The following MN1 variants were observed in gnomAD, a reference collection of about 807,000 sequenced individuals.
MN1 encodes the protein transcriptional activator MN1.
Under a neutral mutation model 86.9 loss-of-function variants are expected in MN1, and 19 were observed. The ratio of observed to expected loss-of-function variants is 0.22; its 90% CI spans 0.15 to 0.32. The LOEUF (loss-of-function observed/expected upper bound fraction) is 0.32, where lower values mean the gene tolerates loss of function less well. Among genes scored for constraint, MN1 ranks in the 10% least tolerant of loss-of-function variants. MN1 has a pLI of 1.00. For missense variants in MN1, 1,841 were observed against 1,862.0 expected (o/e 0.99, Z 0.21); for synonymous variants, 928 against 849.6 (o/e 1.09, Z -1.60).
chr22:27,799,258 A>C lies in MN1; in HGVS notation c.1286T>G (p.Met429Arg). The change falls in exon 1 of 2, where the codon ATG becomes AGG. Residue 429 changes from methionine (M) to arginine (R), a missense_variant. Transcript: ENST00000302326. ...CGCCTGCTGCGGAGGAGGATGCTGC[A>C]TGCTGAAAACAGGCTCGGAATAAGG... ...MHPYSEPVFS[M>R]QHPPPQQAPN... 6.3e-7 allele frequency: 1 copy of C among 1,583,718 alleles called. No individual in the cohort carries two copies. The highest frequency in any genetic ancestry group is 8.6e-7 in the Non-Finnish European group (1 of 1,163,174).
In MN1 at chr22:27,774,221, G is replaced by A. The variant is rs928331679; in HGVS notation, c.3781+22542C>T. On this transcript the variant is annotated intron_variant, in intron 1 of 1. Coordinates refer to ENST00000302326, the MANE Select transcript of MN1 (RefSeq NM_002430.3). ...CAGATCGCTTCCTCTATACTTCACCGTCGTGAACGGGGATATTCCAGACAG... is the reference window on the plus strand; with the variant it reads ...CAGATCGCTTCCTCTATACTTCACCATCGTGAACGGGGATATTCCAGACAG... 3.9e-5 allele frequency among the ~76,000 whole-genome samples: 6 copies of A among 152,164 alleles called. No individual in the cohort carries two copies. The South Asian group carries it at 6.2e-4, about 16-fold the overall frequency.
rs370371622 is a variant in MN1 at position 27,799,800 on chromosome 22, C to G, written c.744G>C (p.Ser248=). The stretch of plus-strand genomic sequence containing the variant: ...GCAGCTGCCCTTCGGAGTCAGAGGG[C>G]GAAAACATGTCAAAATGTCCCGAGG... ...EAPSGHFDMF[S]PSDSEGQLPH... is the part of the protein sequence containing the mutation. Residue 248 remains serine (S), a synonymous_variant, in exon 1 of 2, where the codon TCG becomes TCC. Coordinates refer to ENST00000302326, the MANE Select transcript of MN1 (RefSeq NM_002430.3). 3.1e-6 allele frequency: 5 copies of G among 1,595,932 alleles called. No individual in the cohort carries two copies. Among genetic ancestry groups the G allele is most frequent in the African/African-American group, 1.3e-5 (1 of 74,618 alleles).
At chr22:27,762,828 G>A (rs1932843477) in intron 1 of MN1, among the ~76,000 whole-genome samples, 1 of 152,140 alleles carries the variant, frequency 6.6e-6, no homozygotes, top group Non-Finnish European at 1.5e-5. Context: ...GCCGAGTGCG[G>A]TGGCTCATGA....
chr22:27,768,332 C>T (rs1932886180), intron 1 of MN1, among the ~76,000 whole-genome samples: 1 of 152,128 alleles, frequency 6.6e-6, no homozygotes, highest in African/African-American at 2.4e-5. Flanking sequence ...CCCTGGAGAA[C>T]CAGGCCCCCA....
Position 27,795,981 on chromosome 22 carries a change from G to A in MN1, c.3781+782C>T, listed in dbSNP as rs45594634. Among the ~76,000 whole-genome samples, 418 of 152,132 alleles carry A rather than the reference G, an allele frequency of 2.7e-3. 1 individual carries two copies. The highest frequency in any genetic ancestry group is 9.7e-3 in the African/African-American group (404 of 41,492). ...AGCCAAGCGAGATATTGACAAACAC[G>A]GATCCTTTGTGTCTTAAGAGTATAT... On this transcript the variant is annotated intron_variant, in intron 1 of 1. Transcript: ENST00000302326.
intron 1 of MN1, among the ~76,000 whole-genome samples, chr22:27,755,960 G>A (rs1199276256): frequency 6.6e-6 from 1 of 152,252 alleles, no homozygotes; most frequent in Non-Finnish European, 1.5e-5. Context: ...CTAGGAAATG[G>A]GGGAAATAAT....
intron 1 of MN1, among the ~76,000 whole-genome samples, chr22:27,758,684 T>C (rs1360441768): frequency 6.6e-6 from 1 of 152,176 alleles, no homozygotes; most frequent in Non-Finnish European, 1.5e-5. Context: ...GCCTCACCTT[T>C]CTTCTCTGTG....
intron 1 of MN1, among the ~76,000 whole-genome samples, chr22:27,794,010 G>T (rs1216237211): frequency 1.3e-5 from 2 of 152,100 alleles, no homozygotes; most frequent in Non-Finnish European, 2.9e-5. Flanking sequence ...AAAATGCTGG[G>T]GCTGGTACCT....
rs962572354 is a variant in MN1, at chr22:27,750,296, C to T, written c.*619G>A. ...CAAAACAAAATCCCAGGCGGAATAC[C>T]TAAGAGGGGCATTCATTGTTTGGCT... On this transcript the variant is annotated 3_prime_UTR_variant, in exon 2 of 2. Coordinates refer to ENST00000302326, the MANE Select transcript of MN1 (RefSeq NM_002430.3). The T allele has an allele frequency of 2.6e-5, 6 of 230,992 alleles. No homozygotes were observed. Among genetic ancestry groups the T allele is most frequent in the African/African-American group, 1.3e-4 (6 of 45,200 alleles). 14.3% of individuals were successfully genotyped at this position (230,992 alleles called of 1,614,324 possible). A position where few individuals can be genotyped will look rare whatever the true frequency, so the allele number is the denominator to read the frequency against.
intron 1 of MN1, among the ~76,000 whole-genome samples, chr22:27,793,759 A>G (rs1364536035): frequency 1.3e-5 from 2 of 152,244 alleles, no homozygotes; most frequent in Non-Finnish European, 2.9e-5. Context: ...TCTCAAGCCC[A>G]TAAGACAATC....
rs1159987506 is a variant in MN1, at chr22:27,797,329, G to T, written c.3215C>A (p.Ala1072Glu). The change falls in exon 1 of 2, where the codon GCG (alanine) becomes GAG (glutamate). Residue 1072 changes from alanine (A) to glutamate (E), a missense_variant. Coordinates refer to ENST00000302326, the MANE Select transcript of MN1 (RefSeq NM_002430.3). ...SSDNPQALVK[A>E]SRSPLVTGSP... ...GCCGGTCACCAGGGGACTCCTGCTC[G>T]CTTTAACTAGTGCCTGGGGGTTGTC... is the stretch of plus-strand genomic sequence containing the variant. 2 of 1,604,802 alleles carry T rather than the reference G, an allele frequency of 1.2e-6. No individual in the cohort carries two copies. The highest frequency in any genetic ancestry group is 1.1e-5 in the South Asian group (1 of 91,044).
intron 1 of MN1, among the ~76,000 whole-genome samples, chr22:27,776,634 G>C (rs1306199711): frequency 1.3e-5 from 2 of 151,680 alleles, no homozygotes; most frequent in Admixed American, 1.3e-4. Flanking sequence ...AAATTCAGTG[G>C]TTCTGGCCTC....
At chr22:27,776,345 A>T (rs923629671) in intron 1 of MN1, among the ~76,000 whole-genome samples, 1 of 152,204 alleles carries the variant, frequency 6.6e-6, no homozygotes, top group Non-Finnish European at 1.5e-5. Context: ...ATCAAATGAG[A>T]TTTACACAGG....
chr22:27,794,821 T>TTG (rs1568981659), intron 1 of MN1, among the ~76,000 whole-genome samples: 5 of 149,654 alleles, frequency 3.3e-5, no homozygotes, highest in African/African-American at 1.2e-4. Context: ...GTTGTTGTTT[T>TTG]TTTTTTTTTT....
intron 1 of MN1, among the ~76,000 whole-genome samples, chr22:27,765,271 G>A (rs1225607446): frequency 1.3e-5 from 2 of 152,198 alleles, no homozygotes; most frequent in Non-Finnish European, 2.9e-5. Context: ...ATGAAGATTC[G>A]TGCTGTCACT....
chr22:27,799,357 C>T lies in MN1; in HGVS notation c.1187G>A (p.Gly396Glu). ...AGTPSGGLQDGGPMLPSQHAQ... is the reference protein window; with the variant it reads ...AGTPSGGLQDEGPMLPSQHAQ... ...GTGCTGGCTGGGCAGCATGGGGCCT[C>T]CGTCCTGCAGGCCGCCGCTGGGCGT... The change falls in exon 1 of 2, where the codon GGA becomes GAA. Residue 396 changes from glycine to glutamate, a missense_variant. Gly to Glu is a moderately conservative substitution (Grantham distance 98, BLOSUM62 -2). Transcript: ENST00000302326. 6.3e-7 allele frequency: 1 copy of T among 1,579,116 alleles called. No individual in the cohort carries two copies. Among genetic ancestry groups the T allele is most frequent in the Non-Finnish European group, 8.6e-7 (1 of 1,165,016 alleles).
At chr22:27,776,134 G>T (rs1247432751) in intron 1 of MN1, among the ~76,000 whole-genome samples, 1 of 152,148 alleles carries the variant, frequency 6.6e-6, no homozygotes, top group Admixed American at 6.5e-5. Flanking sequence ...CAAGTCCTCC[G>T]GAATCACCGG....
chr22:27,799,351 G>T lies in MN1; in HGVS notation c.1193C>A (p.Pro398His). Residue 398 changes from proline (P) to histidine (H), a missense_variant, in exon 1 of 2, where the codon CCC (proline) becomes CAC (histidine). Pro to His is a moderately conservative substitution (Grantham distance 77). Coordinates refer to ENST00000302326, the MANE Select transcript of MN1 (RefSeq NM_002430.3). ...TTGCGCGTGCTGGCTGGGCAGCATG[G>T]GGCCTCCGTCCTGCAGGCCGCCGCT... ...TPSGGLQDGGPMLPSQHAQFE... is the reference protein window; with the variant it reads ...TPSGGLQDGGHMLPSQHAQFE... 1 of 1,584,472 alleles carries T rather than the reference G, an allele frequency of 6.3e-7. No homozygotes were observed.
At chr22:27,785,750 C>A (rs1482768166) in intron 1 of MN1, among the ~76,000 whole-genome samples, 1 of 141,458 alleles carries the variant, frequency 7.1e-6, no homozygotes, top group South Asian at 2.2e-4. Context: ...AGGTGTGCCC[C>A]CCCCCCATGG....
Sources: allele counts gnomAD v4.1 joint callset (sites outside exome capture counted in the v4.1 genomes callset), GRCh38; gene constraint gnomAD v4.1.1; transcripts MANE v1.5; gene names NCBI Gene and HGNC (gene_info 2026-07-23, HGNC 2026-07-21).